Variants in SLC45A3 observed in about 807,000 individuals in gnomAD.
The protein encoded by SLC45A3 is prostate cancer associated protein 2.
A neutral mutation model predicts 35.3 loss-of-function variants in SLC45A3; 17 were observed. That is an observed-to-expected ratio of 0.48 (90% CI 0.33 to 0.72). The LOEUF (loss-of-function observed/expected upper bound fraction) is 0.72. Ranked by LOEUF, SLC45A3 falls within the 30% of genes least tolerant of loss-of-function variation. SLC45A3 has a pLI of 0.02. For missense variants in SLC45A3, 597 were observed against 731.7 expected (o/e 0.82, Z 2.12); for synonymous variants, 288 against 334.3 (o/e 0.86, Z 1.51).
At chr1:205,670,482 C>A (rs989870284) in intron 1 of SLC45A3, among the ~76,000 whole-genome samples, 1 of 152,142 alleles carries the variant, frequency 6.6e-6, no homozygotes, top group African/African-American at 2.4e-5. Context: ...CAGAATGAAG[C>A]CCCCCCACCT....
At chr1:205,670,443 G>C (rs966625362) in intron 1 of SLC45A3, among the ~76,000 whole-genome samples, 4 of 152,160 alleles carry the variant, frequency 2.6e-5, no homozygotes, top group Admixed American at 1.3e-4. Context: ...GACTTCACAG[G>C]GCTCCCAGGG....
In SLC45A3 at chr1:205,662,477, T is replaced by G; in HGVS notation, c.959-351A>C. 2 of 1,281,626 alleles carry G rather than the reference T, an allele frequency of 1.6e-6. No homozygotes were observed. The highest frequency in any genetic ancestry group is 2.0e-6 in the Non-Finnish European group (2 of 1,014,778). The allele number at this position is 1,281,626 out of a possible 1,614,324, so 79.4% of individuals were successfully genotyped here. ...CTGAGCTGGAAGGCGCTGGTGAGAT[T>G]ATTTGGAAAGTCGTTGGGGGAGCAG... On this transcript the variant is annotated intron_variant, in intron 3 of 4. Coordinates refer to ENST00000367145, the MANE Select transcript of SLC45A3 (RefSeq NM_033102.3). The surrounding 1 kb of genome is among the most constrained non-coding windows in gnomAD (Gnocchi z 6.2).
rs767604466 is a variant in SLC45A3 at position 205,659,608 on chromosome 1, TG to T, written c.1287del (p.Ser430AlafsTer112). On this transcript the variant is annotated frameshift_variant, in exon 5 of 5. Coordinates refer to ENST00000367145, the MANE Select transcript of SLC45A3 (RefSeq NM_033102.3). LOFTEE classifies it high-confidence loss of function. The surrounding 1 kb of genome is among the most constrained non-coding windows in gnomAD (Gnocchi z 5.8). The part of the protein sequence containing the change: ...GGASSEDSLM[T>X]SFLPGPKPGA... ...CCAGGCTTAGGGCCTGGCAGGAAGC[TG>T]GTCATCAGGCTGTCCTCACTGCTAG... 6.4e-7 allele frequency: 1 copy of T among 1,559,646 alleles called. No homozygotes were observed.
chr1:205,671,033 C>A (rs1021776308), intron 1 of SLC45A3, among the ~76,000 whole-genome samples: 1 of 152,196 alleles, frequency 6.6e-6, no homozygotes, highest in Non-Finnish European at 1.5e-5. Flanking sequence ...GGAAAGGAAA[C>A]AAATGCCAGA....
At chr1:205,672,450 G>A (rs1043586110) in intron 1 of SLC45A3, among the ~76,000 whole-genome samples, 1 of 152,168 alleles carries the variant, frequency 6.6e-6, no homozygotes, top group Non-Finnish European at 1.5e-5. Context: ...CACAGTGGCC[G>A]ACCCCTACTA....
In SLC45A3 at chr1:205,659,519, C is replaced by T. The variant is rs754160862; in HGVS notation, c.1377G>A (p.Ala459=). The T allele has an allele frequency of 1.1e-5, 17 of 1,610,992 alleles. No homozygotes were observed. The South Asian group carries it at 1.3e-4, about 13-fold the overall frequency. Reference sequence around the variant, plus strand: ...CATCACAGGCAGAGGCCCCGCAGAGCGCGGGTGGAGGTGGGAGCAGGCCAC... The same window carrying T: ...CATCACAGGCAGAGGCCCCGCAGAGTGCGGGTGGAGGTGGGAGCAGGCCAC... ...GGSGLLPPPP[A]LCGASACDVS... The change falls in exon 5 of 5, where the codon GCG becomes GCA. Residue 459 remains alanine (A), a synonymous_variant. Coordinates refer to ENST00000367145, the MANE Select transcript of SLC45A3 (RefSeq NM_033102.3). The surrounding 1 kb of genome is among the most constrained non-coding windows in gnomAD (Gnocchi z 5.8).
intron 1 of SLC45A3, among the ~76,000 whole-genome samples, chr1:205,670,483 C>A (rs73078376): frequency 0.058 from 8,779 of 152,192 alleles, 284 homozygotes; most frequent in African/African-American, 0.079. Flanking sequence ...AGAATGAAGC[C>A]CCCCCACCTC....
In SLC45A3 at chr1:205,669,226, C is replaced by A. The variant is rs1410608780; in HGVS notation, c.-230-4340G>T. On this transcript the variant is annotated intron_variant, in intron 1 of 4. Transcript: ENST00000367145. This position sits in a 1 kb window ranked among gnomAD's most constrained non-coding sequence, Gnocchi z 4.1. ...AAAGGTGGTGAGTGGCTCAGATAAA[C>A]CCTCCTGGACTGGAAAGCCCCCACT... Among the ~76,000 whole-genome samples the A allele has an allele frequency of 6.6e-6, 1 of 152,144 alleles. No individual in the cohort carries two copies. The highest frequency in any genetic ancestry group is 1.5e-5 in the Non-Finnish European group (1 of 68,022).
chr1:205,668,708 G>C (rs1671158205), intron 1 of SLC45A3, among the ~76,000 whole-genome samples: 1 of 152,114 alleles, frequency 6.6e-6, no homozygotes, highest in African/African-American at 2.4e-5. Context: ...GGAAGTAGAG[G>C]GGCTGACCTC....
At chr1:205,660,990 G>T (rs1429839002) in intron 4 of SLC45A3, among the ~76,000 whole-genome samples, 1 of 152,322 alleles carries the variant, frequency 6.6e-6, no homozygotes, top group East Asian at 1.9e-4. Context: ...GAGACGCAGG[G>T]GCAGGTCTTC....
rs540962762 is a variant in SLC45A3 at position 205,662,864 on chromosome 1, C to T, written c.927G>A (p.Pro309=). ...CATAGTGTCTCCGGGCCTCGGTGCC[C>T]GGCTCAGCTCTGGGCACGCCCTGGT... ...GLYQGVPRAE[P]GTEARRHYDE... Residue 309 remains proline, a synonymous_variant, in exon 3 of 5, where the codon CCG becomes CCA. Transcript: ENST00000367145. The surrounding 1 kb of genome is among the most constrained non-coding windows in gnomAD (Gnocchi z 6.2). 10 of 1,604,756 alleles carry T rather than the reference C, an allele frequency of 6.2e-6. No individual in the cohort carries two copies. The highest frequency in any genetic ancestry group is 2.2e-5 in the East Asian group (1 of 44,668).
intron 1 of SLC45A3, among the ~76,000 whole-genome samples, chr1:205,679,408 C>A (rs1671363163): frequency 6.6e-6 from 1 of 152,124 alleles, no homozygotes; most frequent in South Asian, 2.1e-4. Context: ...GCAAGAGCAA[C>A]TCACAGGACT....
intron 1 of SLC45A3, among the ~76,000 whole-genome samples, chr1:205,667,635 C>T (rs1190548221): frequency 6.6e-6 from 1 of 152,072 alleles, no homozygotes; most frequent in Non-Finnish European, 1.5e-5. Flanking sequence ...GAGTTCGAGG[C>T]TGCAAGTGAG....
chr1:205,680,326 C>G (rs1671385414), intron 1 of SLC45A3, 68 bp downstream of exon 1: 1 of 152,062 alleles, frequency 6.6e-6, no homozygotes, highest in Non-Finnish European at 1.5e-5. Flanking sequence ...GGAGCTCGGC[C>G]GTGCACTGCT....
chr1:205,676,188 C>G (rs990098962), intron 1 of SLC45A3, among the ~76,000 whole-genome samples: 1 of 152,130 alleles, frequency 6.6e-6, no homozygotes, highest in African/African-American at 2.4e-5. Flanking sequence ...CCAGGCACTC[C>G]TAGCTTGAAC....
chr1:205,661,964 CTGTG>C lies in SLC45A3; in HGVS notation c.1117_1120del (p.His373ValfsTer5), dbSNP rs1025562598. The stretch of plus-strand genomic sequence containing the variant: ...GGCTGAAGCTGTCACCACGGCCACA[CTGTG>C]GGACAGGCATGTGGCACCGGCAGCC... On this transcript the variant is annotated frameshift_variant, in exon 4 of 5. Coordinates refer to ENST00000367145, the MANE Select transcript of SLC45A3 (RefSeq NM_033102.3). LOFTEE classifies it high-confidence loss of function. 6.2e-7 allele frequency: 1 copy of C among 1,614,112 alleles called. No individual in the cohort carries two copies. Among genetic ancestry groups the C allele is most frequent in the African/African-American group, 1.3e-5 (1 of 74,948 alleles).
chr1:205,662,037 C>T lies in SLC45A3; in HGVS notation c.1048G>A (p.Gly350Ser), dbSNP rs779037654. ...CTGGCCAAATAGACTGCTCGAGTGC[C>T]GAATCGCTGCACCAGCCGGTCCATG... ...LVMDRLVQRF[G>S]TRAVYLASVA... The change falls in exon 4 of 5, where the codon GGC becomes AGC. Residue 350 changes from glycine to serine, a missense_variant. Physicochemically the swap from Gly to Ser is moderately conservative, Grantham distance 56. Coordinates refer to ENST00000367145, the MANE Select transcript of SLC45A3 (RefSeq NM_033102.3). This position sits in a 1 kb window ranked among gnomAD's most constrained non-coding sequence, Gnocchi z 6.2. 44 of 1,613,808 alleles carry T rather than the reference C, an allele frequency of 2.7e-5. 1 individual carries two copies. The South Asian group carries it at 2.7e-4, about 10-fold the overall frequency.
rs151325374 is a variant in SLC45A3 at position 205,663,330 on chromosome 1, G to A, written c.461C>T (p.Pro154Leu). The change falls in exon 3 of 5, where the codon CCG (proline) becomes CTG (leucine). Residue 154 changes from proline to leucine, a missense_variant. Around this residue, in one of 3 missense-constraint regions of SLC45A3, gnomAD observed 555 missense variants for 664.9 expected, o/e 0.83. Transcript: ENST00000367145. ...AGAGTAGGCCTGGCGACAGTGGTCCGGGTCCCGGAAGAGGTCAGAGAGCAG... is the reference window on the plus strand; with the variant it reads ...AGAGTAGGCCTGGCGACAGTGGTCCAGGTCCCGGAAGAGGTCAGAGAGCAG... ...EALLSDLFRD[P>L]DHCRQAYSVY... 1.6e-5 allele frequency: 26 copies of A among 1,613,266 alleles called. No individual in the cohort carries two copies. The highest frequency in any genetic ancestry group is 1.2e-4 in the African/African-American group (9 of 74,946).
At position 205,666,364 on chromosome 1, in the gene SLC45A3, C is replaced by T. The variant is rs922532912; in HGVS notation, c.-230-1478G>A. Reference sequence around the variant, plus strand: ...CTCTACAAAAAATTTAAAAATTATCCAGGCGTGGTAGTATGCACCTGTGGT... The same window carrying T: ...CTCTACAAAAAATTTAAAAATTATCTAGGCGTGGTAGTATGCACCTGTGGT... On this transcript the variant is annotated intron_variant, in intron 1 of 4. Transcript: ENST00000367145. The surrounding 1 kb of genome is among the most constrained non-coding windows in gnomAD (Gnocchi z 4.1). Among the ~76,000 whole-genome samples, 1 of 152,136 alleles carries T rather than the reference C, an allele frequency of 6.6e-6. No individual in the cohort carries two copies.
Sources: gnomAD v4.1 joint callset for allele counts (sites outside exome capture counted in the v4.1 genomes callset) on GRCh38, gnomAD v4.1.1 for gene constraint, gnomAD v4.1.1 regional missense constraint, Gnocchi (gnomAD v3.1) non-coding constraint, MANE v1.5 for transcripts, NCBI Gene and HGNC (gene_info 2026-07-23, HGNC 2026-07-21) for gene names.